The following PRUNE1 variants were observed in gnomAD, a reference collection of about 807,000 sequenced individuals.
PRUNE1 encodes the protein prune exopolyphosphatase 1, also known as exopolyphosphatase PRUNE1.
Under a neutral mutation model 42.5 loss-of-function variants are expected in PRUNE1, and 25 were observed. The observed-to-expected ratio is 0.59, with a 90% CI of 0.43 to 0.82. The LOEUF (loss-of-function observed/expected upper bound fraction) is 0.82, where lower values mean the gene tolerates loss of function less well. PRUNE1 is among the 40% of genes least tolerant of loss of function. The probability of loss-of-function intolerance (pLI) is 0.00; values close to 1 mark genes in which losing one functional copy is unlikely to be tolerated. For synonymous variants in PRUNE1, 203 were observed against 217.1 expected (o/e 0.93, Z 0.57); for missense variants, 443 against 539.3 (o/e 0.82, Z 1.77).
At chr1:151,016,053 A>G (rs1326993125) in intron 1 of PRUNE1, among the ~76,000 whole-genome samples, 1 of 152,178 alleles carries the variant, frequency 6.6e-6, no homozygotes, top group African/African-American at 2.4e-5. Flanking sequence ...CCTGGCCAAC[A>G]TGGCAAAACC....
chr1:151,022,573 A>T (rs908747890), intron 3 of PRUNE1, among the ~76,000 whole-genome samples: 1 of 149,924 alleles, frequency 6.7e-6, no homozygotes, highest in African/African-American at 2.5e-5. Context: ...TGTGCCCGCC[A>T]CCACACCTGG....
Position 151,035,519 on chromosome 1 carries a change from G to A in PRUNE1, c.*1285G>A, listed in dbSNP as rs1168801716. Reference sequence around the variant, plus strand: ...AAGTTGCCAACAGTTTCACTGAACAGTGGGGTATGTGATGGTTTTGGCATG... The same window carrying A: ...AAGTTGCCAACAGTTTCACTGAACAATGGGGTATGTGATGGTTTTGGCATG... On this transcript the variant is annotated 3_prime_UTR_variant, in exon 8 of 8. Coordinates refer to ENST00000271620, the MANE Select transcript of PRUNE1 (RefSeq NM_021222.3). 1 of 152,580 alleles carries A rather than the reference G, an allele frequency of 6.6e-6. No homozygotes were observed. The highest frequency in any genetic ancestry group is 1.5e-5 in the Non-Finnish European group (1 of 68,048). 9.5% of individuals were successfully genotyped at this position (152,580 alleles called of 1,614,324 possible). A position where few individuals can be genotyped will look rare whatever the true frequency, so the allele number is the denominator to read the frequency against.
Position 151,034,020 on chromosome 1 carries a change from T to G in PRUNE1, c.1148T>G (p.Val383Gly). ...PETADVSREQVDKELDRASNS... is the reference protein window; with the variant it reads ...PETADVSREQGDKELDRASNS... ...ACAGCAGATGTGTCCAGGGAGCAAG[T>G]GGACAAGGAATTGGACAGGGCAAGT... Residue 383 changes from valine to glycine, a missense_variant, in exon 8 of 8, where the codon GTG becomes GGG. Transcript: ENST00000271620. The G allele has an allele frequency of 6.2e-7, 1 of 1,614,130 alleles. No individual in the cohort carries two copies. Among genetic ancestry groups the G allele is most frequent in the Non-Finnish European group, 8.5e-7 (1 of 1,179,998 alleles).
intron 3 of PRUNE1, among the ~76,000 whole-genome samples, chr1:151,021,427 C>A (rs1250784368): frequency 1.3e-5 from 2 of 152,212 alleles, no homozygotes; most frequent in Admixed American, 1.3e-4. Flanking sequence ...CGCACTCCAG[C>A]CTGTGCAACA....
chr1:151,019,684 A>G (rs12141871), intron 3 of PRUNE1, among the ~76,000 whole-genome samples: 62,725 of 151,074 alleles, frequency 0.42, 14,636 homozygotes, highest in Middle Eastern at 0.62. Flanking sequence ...AATTTTTTTT[A>G]GAGAAGAGGG....
chr1:151,010,458 CTT>C (rs943782394), intron 1 of PRUNE1, among the ~76,000 whole-genome samples: 2 of 152,036 alleles, frequency 1.3e-5, no homozygotes, highest in Non-Finnish European at 2.9e-5. Context: ...GCATCTCGAC[CTT>C]TCTCTCCCTG....
chr1:151,018,328 ATTT>A, intron 2 of PRUNE1, 136 bp from the exon 3 acceptor site: 1 of 820,856 alleles, frequency 1.2e-6, no homozygotes, highest in South Asian at 1.3e-5. Flanking sequence ...TCATCCTTTC[ATTT>A]TTATAGACTG....
At chr1:151,024,835 T>G in intron 4 of PRUNE1, 40 bp downstream of exon 4, 1 of 1,561,334 alleles carries the variant, frequency 6.4e-7, no homozygotes, top group Middle Eastern at 1.8e-4. Context: ...GTAGTTCTAT[T>G]CCTGTCCCTG....
chr1:151,019,785 G>A (rs1332485376), intron 3 of PRUNE1, among the ~76,000 whole-genome samples: 1 of 151,502 alleles, frequency 6.6e-6, no homozygotes, highest in Admixed American at 6.6e-5. Context: ...ATAGGTGTGA[G>A]CCACCACACC....
chr1:151,024,093 CAGG>C (rs1408772070), intron 3 of PRUNE1, among the ~76,000 whole-genome samples: 2 of 148,804 alleles, frequency 1.3e-5, no homozygotes, highest in East Asian at 4.0e-4. Context: ...GAGGCTGAGG[CAGG>C]AGAATCACTT....
At chr1:151,027,837 T>C (rs1419633192) in intron 6 of PRUNE1, among the ~76,000 whole-genome samples, 2 of 151,992 alleles carry the variant, frequency 1.3e-5, no homozygotes, top group Non-Finnish European at 2.9e-5. Flanking sequence ...CAGGCTGGTC[T>C]CAAACTCCTG....
At position 151,008,500 on chromosome 1, in the gene PRUNE1, G is replaced by C. The variant is rs996960270; in HGVS notation, c.-133G>C. On this transcript the variant is annotated 5_prime_UTR_variant, in exon 1 of 8. Coordinates refer to ENST00000271620, the MANE Select transcript of PRUNE1 (RefSeq NM_021222.3). ...TCGGAGGCCGATTCGCCGTGTGGCG[G>C]GTTCGAGTCCCGCCTCCTGACTCTG... The C allele has an allele frequency of 1.9e-5, 25 of 1,284,060 alleles. No homozygotes were observed. In the African/African-American group the frequency reaches 2.5e-4, roughly 13 times the overall value. 79.5% of individuals were successfully genotyped at this position (1,284,060 alleles called of 1,614,324 possible).
At chr1:151,016,820 T>C (rs1465791530) in intron 1 of PRUNE1, among the ~76,000 whole-genome samples, 1 of 151,754 alleles carries the variant, frequency 6.6e-6, no homozygotes, top group Non-Finnish European at 1.5e-5. Context: ...GATCTTACTT[T>C]TAACCTTTAT....
Position 151,018,605 on chromosome 1 carries a change from C to T in PRUNE1, c.271C>T (p.Leu91Phe). 6.2e-7 allele frequency: 1 copy of T among 1,614,166 alleles called. No homozygotes were observed. Reference protein sequence around the residue: ...SILIFRDEIDLHALYQAGQLT... With the variant: ...SILIFRDEIDFHALYQAGQLT... ...CTTGATTTTTCGGGATGAGATTGAC[C>T]TCCATGCATTATACCAGGCTGGCCA... Residue 91 changes from leucine (L) to phenylalanine (F), a missense_variant, in exon 3 of 8, where the codon CTC becomes TTC. By Grantham distance (22) the Leu-to-Phe change is conservative. Coordinates refer to ENST00000271620, the MANE Select transcript of PRUNE1 (RefSeq NM_021222.3).
intron 6 of PRUNE1, 28 bp downstream of exon 6, chr1:151,027,355 G>T (rs1316805619): frequency 2.6e-6 from 4 of 1,527,056 alleles, no homozygotes; most frequent in Non-Finnish European, 3.6e-6. Context: ...CTGTGGGTGG[G>T]GAGAGAAAGC....
chr1:151,014,635 T>C (rs1398105504), intron 1 of PRUNE1, among the ~76,000 whole-genome samples: 1 of 152,188 alleles, frequency 6.6e-6, no homozygotes, highest in East Asian at 1.9e-4. Flanking sequence ...CTTTGCTATG[T>C]GTTACTCCTC....
intron 7 of PRUNE1, among the ~76,000 whole-genome samples, chr1:151,030,262 CAAAA>C (rs779376441): frequency 5.8e-5 from 5 of 86,046 alleles, no homozygotes; most frequent in Admixed American, 1.3e-4. Context: ...ACTCCGTCTC[CAAAA>C]AAAAAAAAAA....
At chr1:151,019,016 C>T (rs1287747100) in intron 3 of PRUNE1, among the ~76,000 whole-genome samples, 1 of 152,184 alleles carries the variant, frequency 6.6e-6, no homozygotes, top group African/African-American at 2.4e-5. Context: ...GCACTCCAGC[C>T]TGAGCGACAG....
In PRUNE1 at chr1:151,025,623, A is replaced by G. The variant is rs1313347961; in HGVS notation, c.629A>G (p.Lys210Arg). 1.2e-6 allele frequency: 2 copies of G among 1,614,024 alleles called. No individual in the cohort carries two copies. Reference sequence around the variant, plus strand: ...GAGGCCCTTTTCCCAGACCTACCCAAGAGAAATGATATATTTGATTCCCTA... The same window carrying G: ...GAGGCCCTTTTCCCAGACCTACCCAGGAGAAATGATATATTTGATTCCCTA... ...KLEALFPDLPKRNDIFDSLQK... is the reference protein window; with the variant it reads ...KLEALFPDLPRRNDIFDSLQK... Residue 210 changes from lysine (K) to arginine (R), a missense_variant, in exon 5 of 8, where the codon AAG becomes AGG. Lys to Arg is a conservative substitution (Grantham distance 26). Transcript: ENST00000271620.
Sources: allele counts gnomAD v4.1 joint callset (sites outside exome capture counted in the v4.1 genomes callset), GRCh38; gene constraint gnomAD v4.1.1; transcripts MANE v1.5; gene names NCBI Gene and HGNC (gene_info 2026-07-23, HGNC 2026-07-21).